Variants in PCSK2 observed in about 807,000 individuals in gnomAD.
PCSK2 encodes the protein proprotein convertase subtilisin/kexin type 2.
PCSK2 carries 14 observed loss-of-function variants against 69.7 expected under a neutral mutation model. That is an observed-to-expected ratio of 0.20 (90% CI 0.13 to 0.31). The LOEUF is 0.31. Ranked by LOEUF, PCSK2 falls within the 10% of genes least tolerant of loss-of-function variation. The pLI is 1.00. For missense variants in PCSK2, 544 were observed against 842.5 expected, an observed-to-expected ratio of 0.65 and a Z score of 4.39; for synonymous variants, 307 against 320.7, an observed-to-expected ratio of 0.96 and a Z score of 0.46.
chr20:17,384,976 C>A (rs2031196204), intron 5 of PCSK2, among the ~76,000 whole-genome samples: 1 of 152,136 alleles, frequency 6.6e-6, no homozygotes, highest in South Asian at 2.1e-4. Flanking sequence ...CAAAGAGGAC[C>A]TTTCTTTGTC....
At chr20:17,386,323 G>A (rs1221707001) in intron 5 of PCSK2, among the ~76,000 whole-genome samples, 2 of 152,144 alleles carry the variant, frequency 1.3e-5, no homozygotes. Flanking sequence ...CAATAGCCAA[G>A]AAGTATAAGC....
intron 5 of PCSK2, among the ~76,000 whole-genome samples, chr20:17,372,412 T>C (rs2030796335): frequency 6.7e-6 from 1 of 149,198 alleles, no homozygotes; most frequent in African/African-American, 2.5e-5. Context: ...AATAAATAAA[T>C]AAATAAATAA....
chr20:17,333,210 A>G (rs1990248328), intron 2 of PCSK2, among the ~76,000 whole-genome samples: 2 of 152,320 alleles, frequency 1.3e-5, no homozygotes, highest in African/African-American at 4.8e-5. Flanking sequence ...CATATGTCGT[A>G]TGTGTAGAAA....
intron 2 of PCSK2, among the ~76,000 whole-genome samples, chr20:17,350,244 G>T (rs2029936783): frequency 6.6e-6 from 1 of 150,506 alleles, no homozygotes; most frequent in Non-Finnish European, 1.5e-5. Context: ...TTTCAGGACA[G>T]CACAATCCAA....
At chr20:17,343,078 T>C (rs1469072041) in intron 2 of PCSK2, among the ~76,000 whole-genome samples, 4 of 152,200 alleles carry the variant, frequency 2.6e-5, no homozygotes, top group Non-Finnish European at 5.9e-5. Context: ...TAGCAAGTGG[T>C]AGATTCAGTA....
At chr20:17,423,028 C>T (rs969759726) in intron 6 of PCSK2, among the ~76,000 whole-genome samples, 3 of 152,016 alleles carry the variant, frequency 2.0e-5, no homozygotes, top group Non-Finnish European at 4.4e-5. Flanking sequence ...TAAAGAAAAA[C>T]ATCTTTATGA....
intron 2 of PCSK2, among the ~76,000 whole-genome samples, chr20:17,301,510 T>A (rs537871603): frequency 6.6e-6 from 1 of 152,342 alleles, no homozygotes; most frequent in African/African-American, 2.4e-5. Flanking sequence ...TCATCTACAG[T>A]CCAAAGAGCT....
At position 17,284,645 on chromosome 20, in the gene PCSK2, TGTACTAG is replaced by T. The variant is rs555737718; in HGVS notation, c.282+24304_282+24310del. On this transcript the variant is annotated intron_variant, in intron 2 of 11. Coordinates refer to ENST00000262545, the MANE Select transcript of PCSK2 (RefSeq NM_002594.5). The stretch of plus-strand genomic sequence containing the variant: ...TGGCTTTCTAGACAGAGAATGTAAT[TGTACTAG>T]GTTTGTTGCCCGATGTGCATGGCAA... Among the ~76,000 whole-genome samples, 6 of 152,252 alleles carry T rather than the reference TGTACTAG, an allele frequency of 3.9e-5. No homozygotes were observed. The East Asian group carries it at 1.2e-3, about 29-fold the overall frequency.
intron 5 of PCSK2, among the ~76,000 whole-genome samples, chr20:17,405,374 T>C (rs931639094): frequency 1.3e-5 from 2 of 152,184 alleles, no homozygotes; most frequent in African/African-American, 4.8e-5. Context: ...TGGATGGCAG[T>C]GCCAGGGCCA....
At chr20:17,240,874 A>G (rs1042247415) in intron 1 of PCSK2, among the ~76,000 whole-genome samples, 1 of 152,206 alleles carries the variant, frequency 6.6e-6, no homozygotes, top group African/African-American at 2.4e-5. Context: ...CAGTCTGGAA[A>G]GCTGGTTCAA....
intron 5 of PCSK2, among the ~76,000 whole-genome samples, chr20:17,402,094 C>T (rs1568634380): frequency 6.6e-6 from 1 of 152,156 alleles, no homozygotes; most frequent in Non-Finnish European, 1.5e-5. Context: ...TCTAAAGATA[C>T]CCTCCGGAGG....
At chr20:17,347,807 A>G (rs1280626957) in intron 2 of PCSK2, among the ~76,000 whole-genome samples, 1 of 127,702 alleles carries the variant, frequency 7.8e-6, no homozygotes, top group Non-Finnish European at 1.7e-5. Flanking sequence ...AAAGAAAGAA[A>G]GAAAGAAAGA....
chr20:17,283,071 G>A (rs937379563), intron 2 of PCSK2, among the ~76,000 whole-genome samples: 1 of 152,080 alleles, frequency 6.6e-6, no homozygotes, highest in Non-Finnish European at 1.5e-5. Context: ...AACACCTTTG[G>A]TAGGTCATGC....
At chr20:17,384,856 A>G (rs1026102231) in intron 5 of PCSK2, among the ~76,000 whole-genome samples, 6 of 152,072 alleles carry the variant, frequency 3.9e-5, no homozygotes, top group Non-Finnish European at 7.4e-5. Flanking sequence ...TATTGAGCCT[A>G]AGTCGAAGCT....
intron 2 of PCSK2, among the ~76,000 whole-genome samples, chr20:17,335,106 T>C (rs1990306867): frequency 6.6e-6 from 1 of 152,228 alleles, no homozygotes; most frequent in Admixed American, 6.5e-5. Context: ...GTTTTTTGGC[T>C]CACTATTTTG....
At chr20:17,473,818 A>C (rs1356471431) in intron 11 of PCSK2, among the ~76,000 whole-genome samples, 1 of 152,158 alleles carries the variant, frequency 6.6e-6, no homozygotes, top group Admixed American at 6.5e-5. Flanking sequence ...GCATGCTTTT[A>C]ATTTAATTTC....
rs142041902 is a variant in PCSK2 at position 17,404,760 on chromosome 20, C to A, written c.544-4503C>A. 5.3e-5 allele frequency among the ~76,000 whole-genome samples: 8 copies of A among 152,318 alleles called. No individual in the cohort carries two copies. The East Asian group carries it at 1.5e-3, about 29-fold the overall frequency. ...AGCTATAGTGTGGGCTATCAGAGGG[C>A]AGCCTGGGAGCCCAAGAGGCCTCGG... is the stretch of plus-strand genomic sequence containing the variant. On this transcript the variant is annotated intron_variant, in intron 5 of 11. Coordinates refer to ENST00000262545, the MANE Select transcript of PCSK2 (RefSeq NM_002594.5).
At position 17,439,913 on chromosome 20, in the gene PCSK2, C is replaced by T. The variant is rs2269014; in HGVS notation, c.885+3030C>T. Among the ~76,000 whole-genome samples, 589 of 152,284 alleles carry T rather than the reference C, an allele frequency of 3.9e-3. 16 individuals carry two copies. The East Asian group carries it at 0.095, about 25-fold the overall frequency. On this transcript the variant is annotated intron_variant, in intron 8 of 11. Coordinates refer to ENST00000262545, the MANE Select transcript of PCSK2 (RefSeq NM_002594.5). ...TGGGCACCTCCAACCACAGCTGTCA[C>T]GGGTCCCAGGGGAAGGAAGCACATA...
intron 4 of PCSK2, among the ~76,000 whole-genome samples, chr20:17,362,637 C>T (rs2030437923): frequency 6.6e-6 from 1 of 152,156 alleles, no homozygotes; most frequent in African/African-American, 2.4e-5. Flanking sequence ...CAAGAGTAGG[C>T]CTTCCAAAAG....
Sources: gnomAD v4.1 joint callset for allele counts (sites outside exome capture counted in the v4.1 genomes callset) on GRCh38, gnomAD v4.1.1 for gene constraint, MANE v1.5 for transcripts, NCBI Gene and HGNC (gene_info 2026-07-23, HGNC 2026-07-21) for gene names.